The following RSRC1 variants were observed in gnomAD, a reference collection of about 807,000 sequenced individuals.
The protein encoded by RSRC1 is arginine and serine rich coiled-coil 1.
Under a neutral mutation model 49.1 loss-of-function variants are expected in RSRC1, and 39 were observed. The ratio of observed to expected loss-of-function variants is 0.79; its 90% confidence interval spans 0.61 to 1.04. The LOEUF is 1.04. RSRC1 is among the 50% of genes least tolerant of loss of function. The pLI, the probability that RSRC1 is intolerant of heterozygous loss-of-function variation, is 0.00. For missense variants in RSRC1, 388 were observed against 402.4 expected, an observed-to-expected ratio of 0.96 and a Z score of 0.31; for synonymous variants, 143 against 130.8, an observed-to-expected ratio of 1.09 and a Z score of -0.63.
intron 3 of RSRC1, among the ~76,000 whole-genome samples, chr3:158,189,542 A>T (rs1444046964): frequency 6.6e-6 from 1 of 151,850 alleles, no homozygotes; most frequent in African/African-American, 2.4e-5. Flanking sequence ...TTTGAAGTCT[A>T]CTTTATCTGA....
chr3:158,238,157 C>G (rs80215354), intron 4 of RSRC1, among the ~76,000 whole-genome samples: 11,646 of 152,172 alleles, frequency 0.077, 534 homozygotes, highest in South Asian at 0.13. Flanking sequence ...ATCCAACTTA[C>G]AAGGGATGTG....
chr3:158,283,973 G>C (rs1042286107), intron 4 of RSRC1, among the ~76,000 whole-genome samples: 6 of 151,492 alleles, frequency 4.0e-5, no homozygotes, highest in Admixed American at 3.9e-4. Context: ...CATGTGCCAT[G>C]CTGGTGTGCT....
At chr3:158,360,482 C>T (rs546050063) in intron 6 of RSRC1, among the ~76,000 whole-genome samples, 6 of 152,306 alleles carry the variant, frequency 3.9e-5, no homozygotes, top group East Asian at 1.9e-4. Context: ...TGCCTCCTGC[C>T]GCCATCCATG....
At chr3:158,379,654 C>G (rs2108278521) in intron 6 of RSRC1, among the ~76,000 whole-genome samples, 1 of 152,180 alleles carries the variant, frequency 6.6e-6, no homozygotes, top group Middle Eastern at 3.4e-3. Context: ...GGCAGCTTCC[C>G]CTTCAAGGCC....
At chr3:158,295,463 G>C (rs1227970032) in intron 4 of RSRC1, among the ~76,000 whole-genome samples, 2 of 152,062 alleles carry the variant, frequency 1.3e-5, no homozygotes, top group African/African-American at 4.8e-5. Flanking sequence ...TGTGTTAATG[G>C]AAAATGAATT....
At position 158,310,145 on chromosome 3, in the gene RSRC1, CTTTA is replaced by C. The variant is rs1264347107; in HGVS notation, c.531+12076_531+12079del. On this transcript the variant is annotated intron_variant, in intron 5 of 9. Coordinates refer to ENST00000611884, the MANE Select transcript of RSRC1 (RefSeq NM_001271838.2). ...AATACCTTACTTCACTTAAAAAGCA[CTTTA>C]TTTATATAAGATATTATATAAATAC... is the stretch of plus-strand genomic sequence containing the variant. Among the ~76,000 whole-genome samples, 4 of 151,480 alleles carry C rather than the reference CTTTA, an allele frequency of 2.6e-5. No individual in the cohort carries two copies. In the East Asian group the frequency reaches 7.7e-4, roughly 29 times the overall value.
intron 5 of RSRC1, among the ~76,000 whole-genome samples, chr3:158,354,210 C>T (rs1048895092): frequency 1.3e-5 from 2 of 151,856 alleles, no homozygotes; most frequent in Non-Finnish European, 2.9e-5. Flanking sequence ...AGGATGGTCT[C>T]GATCTCTTGA....
chr3:158,524,320 C>T (rs1381230760), intron 7 of RSRC1, among the ~76,000 whole-genome samples: 4 of 151,990 alleles, frequency 2.6e-5, no homozygotes, highest in South Asian at 2.1e-4. Flanking sequence ...TTTTTCCTTG[C>T]GAATTTATGT....
At chr3:158,207,088 CAG>C (rs1158681094) in intron 4 of RSRC1, among the ~76,000 whole-genome samples, 2 of 152,222 alleles carry the variant, frequency 1.3e-5, no homozygotes, top group Middle Eastern at 3.4e-3. Flanking sequence ...TAATAAACGG[CAG>C]AGTTAGGCTT....
intron 6 of RSRC1, among the ~76,000 whole-genome samples, chr3:158,459,009 C>T (rs1190863904): frequency 6.6e-6 from 1 of 152,000 alleles, no homozygotes; most frequent in Non-Finnish European, 1.5e-5. Context: ...AACTCAGATT[C>T]TTTATGGAGG....
At chr3:158,187,473 G>A (rs1219193772) in intron 3 of RSRC1, among the ~76,000 whole-genome samples, 2 of 151,948 alleles carry the variant, frequency 1.3e-5, no homozygotes, top group African/African-American at 4.8e-5. Flanking sequence ...CTTGATATGA[G>A]TTATAGGTCC....
Position 158,534,721 on chromosome 3 carries a change from C to T in RSRC1, c.653-2371C>T, listed in dbSNP as rs114893654. On this transcript the variant is annotated intron_variant, in intron 7 of 9. Transcript: ENST00000611884. ...AACAACTAACCATCCATAGGCCATT[C>T]GTGGAAAAACCTATCATCAAACTAT... Among the ~76,000 whole-genome samples, 572 of 151,512 alleles carry T rather than the reference C, an allele frequency of 3.8e-3. 4 individuals carry two copies. Among genetic ancestry groups the T allele is most frequent in the African/African-American group, 0.013 (538 of 41,432 alleles).
At chr3:158,247,259 G>C (rs1723956668) in intron 4 of RSRC1, among the ~76,000 whole-genome samples, 1 of 151,980 alleles carries the variant, frequency 6.6e-6, no homozygotes, top group African/African-American at 2.4e-5. Flanking sequence ...CTGGCTGTCA[G>C]CTCCTGTATT....
chr3:158,196,850 C>G (rs1486825224), intron 3 of RSRC1, among the ~76,000 whole-genome samples: 1 of 152,140 alleles, frequency 6.6e-6, no homozygotes, highest in Non-Finnish European at 1.5e-5. Context: ...AGGGATGAAG[C>G]CCACTTGATC....
intron 5 of RSRC1, among the ~76,000 whole-genome samples, chr3:158,353,785 A>G (rs1731003695): frequency 6.6e-6 from 1 of 150,642 alleles, no homozygotes; most frequent in Non-Finnish European, 1.5e-5. Flanking sequence ...ATTTTCATAT[A>G]TAAAACTGGG....
chr3:158,238,829 A>T (rs1456907651), intron 4 of RSRC1, among the ~76,000 whole-genome samples: 4 of 152,198 alleles, frequency 2.6e-5, no homozygotes, highest in African/African-American at 9.7e-5. Context: ...TGACTAAAAC[A>T]CCAAAAGCAG....
chr3:158,320,234 A>G (rs1287168443), intron 5 of RSRC1, among the ~76,000 whole-genome samples: 10 of 152,190 alleles, frequency 6.6e-5, no homozygotes, highest in African/African-American at 2.4e-4. Context: ...CAGTGAGGAG[A>G]AAAAGGATAT....
chr3:158,330,191 C>T (rs899640495), intron 5 of RSRC1, among the ~76,000 whole-genome samples: 3 of 152,298 alleles, frequency 2.0e-5, no homozygotes, highest in Non-Finnish European at 4.4e-5. Context: ...CTGGATGAGG[C>T]GATGCCTCGC....
intron 6 of RSRC1, among the ~76,000 whole-genome samples, chr3:158,439,469 G>T (rs1318230425): frequency 6.6e-6 from 1 of 152,100 alleles, no homozygotes; most frequent in East Asian, 1.9e-4. Flanking sequence ...ATACACCATG[G>T]AATACTATGC....
Sources: gnomAD v4.1 joint callset for allele counts (sites outside exome capture counted in the v4.1 genomes callset) on GRCh38, gnomAD v4.1.1 for gene constraint, MANE v1.5 for transcripts, NCBI Gene and HGNC (gene_info 2026-07-23, HGNC 2026-07-21) for gene names.